The following DYSF variants were observed in gnomAD, a reference collection of about 807,000 sequenced individuals.
The protein encoded by DYSF is dysferlin, also known as dystrophy-associated fer-1-like 1.
DYSF carries 212 observed loss-of-function variants against 274.9 expected under a neutral mutation model. The observed-to-expected ratio is 0.77, with a 90% CI of 0.69 to 0.86. DYSF has a LOEUF of 0.86. DYSF is among the 40% of genes least tolerant of loss of function. The pLI, the probability that DYSF is intolerant of heterozygous loss-of-function variation, is 0.00. For synonymous variants in DYSF, 1,091 were observed against 1,078.7 expected, an observed-to-expected ratio of 1.01 and a Z score of -0.22; for missense variants, 2,666 against 2,783.2, an observed-to-expected ratio of 0.96 and a Z score of 0.95.
chr2:71,534,666 C>G (rs1274997866), intron 14 of DYSF, among the ~76,000 whole-genome samples: 1 of 152,202 alleles, frequency 6.6e-6, no homozygotes, highest in African/African-American at 2.4e-5. Context: ...TCTGGGAAAG[C>G]TGGTCTGGAC....
chr2:71,655,518 C>T (rs2094751578), intron 42 of DYSF, among the ~76,000 whole-genome samples: 1 of 152,222 alleles, frequency 6.6e-6, no homozygotes, highest in South Asian at 2.1e-4. Context: ...TTTATTAAAT[C>T]CTAAGCAATT....
intron 30 of DYSF, among the ~76,000 whole-genome samples, chr2:71,589,140 G>A (rs2093169179): frequency 6.6e-6 from 1 of 152,204 alleles, no homozygotes. Context: ...GTGGGTGTGT[G>A]GTGCAGCTTC....
chr2:71,552,011 AGC>A (rs386647244), intron 19 of DYSF, among the ~76,000 whole-genome samples: 105 of 152,362 alleles, frequency 6.9e-4, no homozygotes, highest in African/African-American at 2.2e-3. Flanking sequence ...ACATAAGGAT[AGC>A]TAACTGTTAA....
intron 52 of DYSF, among the ~76,000 whole-genome samples, chr2:71,676,736 T>C (rs572145010): frequency 5.3e-5 from 8 of 152,324 alleles, no homozygotes; most frequent in Non-Finnish European, 7.4e-5. Context: ...TAACGAATAC[T>C]AGCTTTTATA....
intron 44 of DYSF, among the ~76,000 whole-genome samples, chr2:71,659,429 T>C (rs1165659812): frequency 6.6e-6 from 1 of 152,108 alleles, no homozygotes; most frequent in African/African-American, 2.4e-5. Context: ...GCTGAGGGTA[T>C]AGGTTGGGAC....
chr2:71,486,130 G>A (rs1478506470), intron 3 of DYSF, among the ~76,000 whole-genome samples: 2 of 151,978 alleles, frequency 1.3e-5, no homozygotes, highest in African/African-American at 2.4e-5. Flanking sequence ...GAGGGTCCCC[G>A]GAGTCATCAT....
chr2:71,603,891 T>C (rs72829411), intron 36 of DYSF, among the ~76,000 whole-genome samples: 8,987 of 152,248 alleles, frequency 0.059, 379 homozygotes, highest in African/African-American at 0.12. Context: ...GGATTCGTAA[T>C]ATGTAACAGT....
intron 42 of DYSF, among the ~76,000 whole-genome samples, chr2:71,648,295 A>G (rs1461350598): frequency 1.3e-5 from 2 of 152,178 alleles, no homozygotes; most frequent in Non-Finnish European, 2.9e-5. Context: ...GTGATAAACT[A>G]TGGGCTGGCA....
Position 71,569,953 on chromosome 2 carries a change from G to T in DYSF, c.2979+19G>T. ...CGATGTGGTAAAGCAGGCACTCAGG[G>T]GCAGGTGGGGTCTAGACATTTGGTC... On this transcript the variant is annotated intron_variant, in intron 27 of 55. Transcript: ENST00000410020. The T allele has an allele frequency of 6.2e-7, 1 of 1,607,580 alleles. No individual in the cohort carries two copies. Among genetic ancestry groups the T allele is most frequent in the Non-Finnish European group, 8.5e-7 (1 of 1,174,628 alleles).
chr2:71,540,114 C>T (rs867413055), intron 17 of DYSF, among the ~76,000 whole-genome samples: 2,630 of 133,626 alleles, frequency 0.02, 77 homozygotes, highest in African/African-American at 0.069. Flanking sequence ...CTTTTTTTTT[C>T]TTTTTTTTTT....
chr2:71,571,728 CCAGCACACACA>C (rs2092473628), intron 29 of DYSF, among the ~76,000 whole-genome samples: 2 of 119,058 alleles, frequency 1.7e-5, no homozygotes, highest in Admixed American at 8.6e-5. Flanking sequence ...CAGATCACAC[CCAGCACACACA>C]CAGATCACAG....
chr2:71,513,642 G>A (rs1431929352), intron 6 of DYSF, 74 bp from the exon 7 acceptor site: 29 of 1,514,604 alleles, frequency 1.9e-5, no homozygotes, highest in Non-Finnish European at 2.6e-5. Flanking sequence ...TCTGCCCCCT[G>A]GGCTGGGTCC....
In DYSF at chr2:71,612,668, C is replaced by T. The variant is rs376134165; in HGVS notation, c.4249C>T (p.Pro1417Ser). Residue 1417 changes from proline to serine, a missense_variant, in exon 39 of 56, where the codon CCC becomes TCC. Transcript: ENST00000410020. ...VMLPREELYC[P>S]PITVKVIDNR... ...GCTGCCCAGGGAGGAGCTCTACTGC[C>T]CCCCCATCACCGTCAAGGTCATCGA... 5.0e-6 allele frequency: 8 copies of T among 1,614,016 alleles called. No homozygotes were observed. The highest frequency in any genetic ancestry group is 2.2e-5 in the East Asian group (1 of 44,884).
At chr2:71,510,114 T>G (rs1055181959) in intron 4 of DYSF, among the ~76,000 whole-genome samples, 1 of 152,224 alleles carries the variant, frequency 6.6e-6, no homozygotes, top group Non-Finnish European at 1.5e-5. Context: ...CATTGAGCAT[T>G]TCCTTCCTTT....
intron 41 of DYSF, among the ~76,000 whole-genome samples, chr2:71,629,413 G>C (rs1054870268): frequency 1.9e-4 from 29 of 152,084 alleles, no homozygotes; most frequent in African/African-American, 7.0e-4. Flanking sequence ...GACTTCTGTT[G>C]TCTGATTCTG....
intron 14 of DYSF, among the ~76,000 whole-genome samples, chr2:71,531,293 C>T (rs1315480837): frequency 2.0e-5 from 3 of 152,100 alleles, no homozygotes; most frequent in African/African-American, 7.2e-5. Flanking sequence ...ATTGATTTTC[C>T]TTATTCAAGG....
intron 51 of DYSF, among the ~76,000 whole-genome samples, chr2:71,671,449 CTG>C (rs2095119707): frequency 6.6e-6 from 1 of 152,252 alleles, no homozygotes; most frequent in South Asian, 2.1e-4. Context: ...AGAGGGAGGG[CTG>C]CGCCCCCCGT....
rs1292326111 is a variant in DYSF, at chr2:71,526,223, G to C, written c.1153G>C (p.Glu385Gln). ...TCGTATTTGGTTTTCTTTGTAGCTG[G>C]AGAGAAAAGACCCCTCTGAAGACAA... Reference protein sequence around the residue: ...VLGPGDEAPLERKDPSEDKED... With the variant: ...VLGPGDEAPLQRKDPSEDKED... The change falls in exon 13 of 56, where the codon GAG becomes CAG. Residue 385 changes from glutamate (E) to glutamine (Q), a missense_variant. Glu to Gln is a conservative substitution (Grantham distance 29, BLOSUM62 2). Transcript: ENST00000410020. 2 of 1,614,134 alleles carry C rather than the reference G, an allele frequency of 1.2e-6. No homozygotes were observed. Among genetic ancestry groups the C allele is most frequent in the African/African-American group, 2.7e-5 (2 of 74,938 alleles).
upstream of DYSF, among the ~76,000 whole-genome samples, chr2:71,462,348 A>C (rs1474572032): frequency 6.6e-6 from 1 of 151,974 alleles, no homozygotes; most frequent in Non-Finnish European, 1.5e-5. Flanking sequence ...GCTACTGGGG[A>C]ATGTGGTGGT....
Sources: allele counts gnomAD v4.1 joint callset (sites outside exome capture counted in the v4.1 genomes callset), GRCh38; gene constraint gnomAD v4.1.1; transcripts MANE v1.5; gene names NCBI Gene and HGNC (gene_info 2026-07-23, HGNC 2026-07-21).